The following HEATR1 variants were observed in gnomAD, a reference collection of about 807,000 sequenced individuals.
HEATR1 encodes the protein HEAT repeat containing 1.
HEATR1 carries 77 observed loss-of-function variants against 248.2 expected under a neutral mutation model. That is an observed-to-expected ratio of 0.31 (90% CI 0.26 to 0.37). The LOEUF is 0.37. HEATR1 is among the 10% of genes least tolerant of loss of function. The pLI is 1.00. For synonymous variants in HEATR1, 897 were observed against 923.1 expected (o/e 0.97, Z 0.51); for missense variants, 2,420 against 2,504.9 (o/e 0.97, Z 0.72).
At chr1:236,573,223 C>G (rs1033315994) in intron 24 of HEATR1, among the ~76,000 whole-genome samples, 10 of 152,206 alleles carry the variant, frequency 6.6e-5, no homozygotes, top group African/African-American at 2.4e-4. Context: ...ATTTCACGCT[C>G]ATCCCTTAGA....
chr1:236,576,048 T>G (rs1243459400), intron 22 of HEATR1, among the ~76,000 whole-genome samples, 171 bp downstream of exon 22: 1 of 152,166 alleles, frequency 6.6e-6, no homozygotes, highest in African/African-American at 2.4e-5. Context: ...TCTTTGTATC[T>G]TGTATCTGTT....
At chr1:236,572,870 G>A (rs1663464845) in intron 24 of HEATR1, 42 bp from the exon 25 acceptor site, 1 of 1,529,928 alleles carries the variant, frequency 6.5e-7, no homozygotes, top group African/African-American at 1.4e-5. Context: ...ATAATCCATT[G>A]GGATAAAATT....
At chr1:236,563,271 CCTTT>C (rs940979654) in intron 32 of HEATR1, among the ~76,000 whole-genome samples, 1 of 151,912 alleles carries the variant, frequency 6.6e-6, no homozygotes, top group Non-Finnish European at 1.5e-5. Context: ...GGAGTTTTTT[CCTTT>C]TTTTTATTTT....
Position 236,583,072 on chromosome 1 carries a change from A to G in HEATR1, c.2366T>C (p.Leu789Pro). 1 of 1,614,224 alleles carries G rather than the reference A, an allele frequency of 6.2e-7. No homozygotes were observed. Among genetic ancestry groups the G allele is most frequent in the Non-Finnish European group, 8.5e-7 (1 of 1,180,030 alleles). Reference sequence around the variant, plus strand: ...AATAAATTTTTTCAAGGAAAATACAAGAAAAACCGAGTCCTCCACGGCCAC... The same window carrying G: ...AATAAATTTTTTCAAGGAAAATACAGGAAAAACCGAGTCCTCCACGGCCAC... ...QRVAVEDSVF[L>P]VFSLKKFIYA... is the part of the protein sequence containing the mutation. The change falls in exon 18 of 45, where the codon CTT becomes CCT. Residue 789 changes from leucine (L) to proline (P), a missense_variant. Leu to Pro is a moderately conservative substitution (Grantham distance 98, BLOSUM62 -3). Transcript: ENST00000366582.
chr1:236,591,216 A>G (rs1664026656), intron 11 of HEATR1, among the ~76,000 whole-genome samples: 1 of 152,188 alleles, frequency 6.6e-6, no homozygotes, highest in Non-Finnish European at 1.5e-5. Context: ...TAATTCTACA[A>G]AGTAATTTTG....
intron 37 of HEATR1, among the ~76,000 whole-genome samples, chr1:236,556,854 A>T (rs1662992815): frequency 1.3e-5 from 2 of 152,180 alleles, no homozygotes; most frequent in African/African-American, 2.4e-5. Flanking sequence ...CTCACAGTAG[A>T]AACAGGGCCC....
Position 236,574,301 on chromosome 1 carries a change from A to G in HEATR1, c.3360T>C (p.Asp1120=). The change falls in exon 24 of 45, where the codon GAT becomes GAC. Residue 1120 remains aspartate (D), a synonymous_variant. Transcript: ENST00000366582. Reference sequence around the variant, plus strand: ...TTAAAAGCTTCTGCTGAACTTTTTCATCTGATATGGCTGCAAAAAATGGTT... The same window carrying G: ...TTAAAAGCTTCTGCTGAACTTTTTCGTCTGATATGGCTGCAAAAAATGGTT... ...ITKPFFAAIS[D]EKVQQKLLRM... The G allele has an allele frequency of 1.2e-6, 2 of 1,611,756 alleles. No homozygotes were observed. Among genetic ancestry groups the G allele is most frequent in the Non-Finnish European group, 8.5e-7 (1 of 1,179,162 alleles).
chr1:236,564,443 G>C, intron 32 of HEATR1, 55 bp downstream of exon 32: 2 of 1,518,984 alleles, frequency 1.3e-6, no homozygotes, highest in Non-Finnish European at 1.8e-6. Flanking sequence ...GTTGAGAACA[G>C]TTCCTTGGAG....
chr1:236,585,267 C>A (rs759623250), intron 16 of HEATR1, 51 bp from the exon 17 acceptor site: 1 of 1,493,040 alleles, frequency 6.7e-7, no homozygotes, highest in South Asian at 1.3e-5. Context: ...TTTCATAAAA[C>A]AATTTTTTCA....
At chr1:236,576,113 G>T in intron 22 of HEATR1, 106 bp downstream of exon 22, 2 of 778,790 alleles carry the variant, frequency 2.6e-6, no homozygotes, top group Non-Finnish European at 3.9e-6. Context: ...TATCTCTTCT[G>T]AGCGCACACA....
chr1:236,558,151 G>C, intron 36 of HEATR1, 86 bp downstream of exon 36: 1 of 1,362,340 alleles, frequency 7.3e-7, no homozygotes, highest in Non-Finnish European at 1.0e-6. Flanking sequence ...TCTACTCAGA[G>C]GAAAAAAAAA....
intron 4 of HEATR1, among the ~76,000 whole-genome samples, chr1:236,598,782 C>A (rs1250533365): frequency 6.6e-6 from 1 of 152,156 alleles, no homozygotes; most frequent in African/African-American, 2.4e-5. Context: ...ACCTTCATCC[C>A]CATTTGCCTC....
chr1:236,550,992 T>TAAAAAAAAAA lies in HEATR1; in HGVS notation c.6347-12_6347-3dup. The stretch of plus-strand genomic sequence containing the variant: ...GATGTTCTACTTCTTCACATTCATC[T>TAAAAAAAAAA]AAAAAAAAAAAAAAAAAATCAAAAT... On this transcript the variant is annotated splice_polypyrimidine_tract_variant and splice_region_variant and intron_variant, in intron 44 of 44. Coordinates refer to ENST00000366582, the MANE Select transcript of HEATR1 (RefSeq NM_018072.6). 3.2e-6 allele frequency: 4 copies of TAAAAAAAAAA among 1,254,990 alleles called. No homozygotes were observed. The highest frequency in any genetic ancestry group is 4.3e-6 in the Non-Finnish European group (4 of 934,374). The allele number at this position is 1,254,990 out of a possible 1,614,324, so 77.7% of individuals were successfully genotyped here.
chr1:236,581,600 TG>T (rs1376955581), intron 19 of HEATR1, among the ~76,000 whole-genome samples, 186 bp from the exon 20 acceptor site: 1 of 152,030 alleles, frequency 6.6e-6, no homozygotes, highest in South Asian at 2.1e-4. Flanking sequence ...CAATGAAGAG[TG>T]ATATTCAGAA....
At chr1:236,572,305 A>G (rs1663450484) in intron 26 of HEATR1, 106 bp downstream of exon 26, 1 of 1,272,024 alleles carries the variant, frequency 7.9e-7, no homozygotes, top group Admixed American at 2.2e-5. Context: ...GCTTTATTTT[A>G]CAGACTATCT....
chr1:236,563,271 C>A (rs1251936056), intron 32 of HEATR1, among the ~76,000 whole-genome samples: 1 of 151,912 alleles, frequency 6.6e-6, no homozygotes, highest in Non-Finnish European at 1.5e-5. Flanking sequence ...GGAGTTTTTT[C>A]CTTTTTTTTA....
At chr1:236,570,734 A>C (rs1422816862) in intron 28 of HEATR1, among the ~76,000 whole-genome samples, 1 of 151,860 alleles carries the variant, frequency 6.6e-6, no homozygotes, top group Non-Finnish European at 1.5e-5. Context: ...AGAAGCACAG[A>C]CTCTCTTACA....
chr1:236,576,806 T>A lies in HEATR1; in HGVS notation c.2899A>T (p.Thr967Ser). 6.2e-7 allele frequency: 1 copy of A among 1,613,532 alleles called. No homozygotes were observed. Among genetic ancestry groups the A allele is most frequent in the Non-Finnish European group, 8.5e-7 (1 of 1,179,780 alleles). ...TGAATAACATAGGCAGCATCTGAAGTGATCTCCTCTGCTTTAGAAATCAAA... is the reference window on the plus strand; with the variant it reads ...TGAATAACATAGGCAGCATCTGAAGAGATCTCCTCTGCTTTAGAAATCAAA... ...DHLISKAEEITSDAAYVIQDL... is the reference protein window; with the variant it reads ...DHLISKAEEISSDAAYVIQDL... Residue 967 changes from threonine (T) to serine (S), a missense_variant, in exon 21 of 45, where the codon ACT becomes TCT. Coordinates refer to ENST00000366582, the MANE Select transcript of HEATR1 (RefSeq NM_018072.6).
intron 24 of HEATR1, 65 bp from the exon 25 acceptor site, chr1:236,572,893 G>A: frequency 7.3e-7 from 1 of 1,368,570 alleles, no homozygotes; most frequent in Non-Finnish European, 1.0e-6. Context: ...AGCAATAAAT[G>A]TTAACCCCTA....
Sources: gnomAD v4.1 joint callset for allele counts (sites outside exome capture counted in the v4.1 genomes callset) on GRCh38, gnomAD v4.1.1 for gene constraint, MANE v1.5 for transcripts, NCBI Gene and HGNC (gene_info 2026-07-23, HGNC 2026-07-21) for gene names.